SACS: variants seen among roughly 807,000 people sequenced by gnomAD.
SACS encodes sacsin molecular chaperone.
SACS carries 197 observed loss-of-function variants against 348.0 expected under a neutral mutation model. The observed-to-expected ratio is 0.57, with a 90% CI of 0.50 to 0.64. The LOEUF (loss-of-function observed/expected upper bound fraction) is 0.64. SACS is among the 30% of genes least tolerant of loss of function. The pLI, the probability that SACS is intolerant of heterozygous loss-of-function variation, is 0.00. For synonymous variants in SACS, 1,985 were observed against 1,910.6 expected (o/e 1.04, Z -1.02); for missense variants, 4,999 against 5,360.8 (o/e 0.93, Z 2.11).
At chr13:23,428,628 A>G (rs914366793) in intron 1 of SACS, 3 of 152,210 alleles carry the variant, frequency 2.0e-5, no homozygotes, top group Admixed American at 2.0e-4. Flanking sequence ...GGAGAGTGCT[A>G]CTGATCTTTT....
chr13:23,404,651 C>T (rs1303980002), intron 2 of SACS, among the ~76,000 whole-genome samples: 1 of 152,160 alleles, frequency 6.6e-6, no homozygotes, highest in Non-Finnish European at 1.5e-5. Flanking sequence ...TTGCAGATGA[C>T]ATGATTGCAT....
At chr13:23,399,018 T>TAAAAAAAAAA (rs1412543149) in intron 2 of SACS, among the ~76,000 whole-genome samples, 2 of 18,952 alleles carry the variant, frequency 1.1e-4, no homozygotes, top group Non-Finnish European at 3.5e-4. Flanking sequence ...AGACTCCATC[T>TAAAAAAAAAA]CAAAAAAAAA....
rs372111448 is a variant in SACS, at chr13:23,338,540, G to A, written c.5336C>T (p.Ser1779Leu). 1.2e-5 allele frequency: 19 copies of A among 1,614,014 alleles called. No individual in the cohort carries two copies. Among genetic ancestry groups the A allele is most frequent in the Admixed American group, 1.0e-4 (6 of 59,992 alleles). Reference sequence around the variant, plus strand: ...ATCATCTGGACCTCTAAAAAGTGGCGACTGTAAATCAGCAATCCTTCTGAA... The same window carrying A: ...ATCATCTGGACCTCTAAAAAGTGGCAACTGTAAATCAGCAATCCTTCTGAA... ...HVFRRIADLQ[S>L]PLFRGPDDDP... Residue 1779 changes from serine to leucine, a missense_variant, in exon 10 of 10, where the codon TCG (serine) becomes TTG (leucine). By Grantham distance (145) the Ser-to-Leu change is moderately radical. Coordinates refer to ENST00000382292, the MANE Select transcript of SACS (RefSeq NM_014363.6).
chr13:23,429,344 G>GGTTTTT (rs1566116540), intron 1 of SACS, among the ~76,000 whole-genome samples: 3 of 65,384 alleles, frequency 4.6e-5, no homozygotes, highest in Non-Finnish European at 1.3e-4. Context: ...TTGAGGTAGG[G>GGTTTTT]ATTTTTTTTT....
intron 9 of SACS, among the ~76,000 whole-genome samples, chr13:23,343,072 T>TG (rs1392861034): frequency 6.6e-6 from 1 of 152,150 alleles, no homozygotes; most frequent in Non-Finnish European, 1.5e-5. Flanking sequence ...AGGGAGCACG[T>TG]GGGGCAGTGC....
chr13:23,385,883 C>T (rs1277238677), intron 2 of SACS, among the ~76,000 whole-genome samples: 1 of 152,214 alleles, frequency 6.6e-6, no homozygotes, highest in African/African-American at 2.4e-5. Flanking sequence ...TCGCCTTGTA[C>T]TTCTCCATCA....
rs1410575767 is a variant in SACS, at chr13:23,333,911, T to C, written c.9965A>G (p.His3322Arg). 7 of 1,613,704 alleles carry C rather than the reference T, an allele frequency of 4.3e-6. No homozygotes were observed. The highest frequency in any genetic ancestry group is 1.3e-5 in the African/African-American group (1 of 74,900). Reference protein sequence around the residue: ...FPNAQSDKVFHALMKAGCIQL... With the variant: ...FPNAQSDKVFRALMKAGCIQL... ...AATACAGCCAGCTTTCATTAGAGCA[T>C]GAAAAACTTTATCACTCTGGGCATT... The change falls in exon 10 of 10, where the codon CAT (histidine) becomes CGT (arginine). Residue 3322 changes from histidine (H) to arginine (R), a missense_variant. His to Arg is a conservative substitution (Grantham distance 29). This residue lies in a region of SACS where 734 missense variants were observed against 694.0 expected (regional missense o/e 1.06). Transcript: ENST00000382292.
At chr13:23,381,434 G>A (rs985369645) in intron 2 of SACS, among the ~76,000 whole-genome samples, 7 of 150,262 alleles carry the variant, frequency 4.7e-5, no homozygotes, top group African/African-American at 1.2e-4. Flanking sequence ...CATGAAGCGC[G>A]CGCACACACA....
intron 2 of SACS, chr13:23,375,590 G>A (rs1291186646): frequency 9.8e-7 from 1 of 1,016,106 alleles, no homozygotes; most frequent in East Asian, 9.1e-5. Flanking sequence ...GGCCCTGCAG[G>A]CGCCGCCCGC....
In SACS at chr13:23,335,277, C is replaced by G. The variant is rs766868003; in HGVS notation, c.8599G>C (p.Ala2867Pro). The G allele has an allele frequency of 4.3e-6, 7 of 1,613,850 alleles. No homozygotes were observed. Among genetic ancestry groups the G allele is most frequent in the Non-Finnish European group, 5.9e-6 (7 of 1,179,844 alleles). ...AAAGAAAGAGGCAAAAAACAGAAGG[C>G]CCTATGGGGTTTTTTATAGTTGTGA... ...ITHNYKKPHR[A>P]FCFLPLSLET... Residue 2867 changes from alanine (A) to proline (P), a missense_variant, in exon 10 of 10, where the codon GCC (alanine) becomes CCC (proline). Coordinates refer to ENST00000382292, the MANE Select transcript of SACS (RefSeq NM_014363.6). This position sits in a 1 kb window ranked among gnomAD's most constrained non-coding sequence, Gnocchi z 4.7.
chr13:23,390,172 C>A lies in SACS; in HGVS notation c.21-14903G>T, dbSNP rs144242481. Among the ~76,000 whole-genome samples, 69 of 152,208 alleles carry A rather than the reference C, an allele frequency of 4.5e-4. No individual in the cohort carries two copies. The East Asian group carries it at 0.012, about 26-fold the overall frequency. On this transcript the variant is annotated intron_variant, in intron 2 of 9. Transcript: ENST00000382292. ...TGTTTGGCTCTGAAAAGAATTAGTG[C>A]TTTATTTCTGCAGTATTTTTCTTCT...
At chr13:23,347,630 A>T (rs1869691914) in intron 9 of SACS, among the ~76,000 whole-genome samples, 1 of 152,232 alleles carries the variant, frequency 6.6e-6, no homozygotes, top group Non-Finnish European at 1.5e-5. Flanking sequence ...ACATGGTCCC[A>T]GACCTGGCCC....
At chr13:23,428,429 A>G (rs932992808) in intron 1 of SACS, 20 of 152,364 alleles carry the variant, frequency 1.3e-4, no homozygotes, top group Middle Eastern at 3.4e-3. Context: ...AATTCACGCT[A>G]TAAATCAATA....
At position 23,330,595 on chromosome 13, in the gene SACS, A is replaced by T. The variant is rs1360709632; in HGVS notation, c.13281T>A (p.Thr4427=). 1.9e-6 allele frequency: 3 copies of T among 1,613,998 alleles called. No homozygotes were observed. The Admixed American group carries it at 5.0e-5, about 27-fold the overall frequency. Residue 4427 remains threonine, a synonymous_variant, in exon 10 of 10, where the codon ACT becomes ACA. Coordinates refer to ENST00000382292, the MANE Select transcript of SACS (RefSeq NM_014363.6). ...GAGGAACAAAGAACCTTTGAGAGTA[A>T]GTCTGTCCGGCTGAAGGGGGGCATT... ...KEKCPPSAGQ[T]YSQRFFVPPT...
At chr13:23,402,541 C>T (rs927385690) in intron 2 of SACS, among the ~76,000 whole-genome samples, 1 of 152,120 alleles carries the variant, frequency 6.6e-6, no homozygotes, top group Non-Finnish European at 1.5e-5. Flanking sequence ...AATCTGTTCC[C>T]CTTGTAACAA....
rs563204231 is a variant in SACS, at chr13:23,405,620, G to A, written c.20+5600C>T. Reference sequence around the variant, plus strand: ...ACTATCATCAGAGTGAACAGAATGGGAGAAAATTTTTGCAATCTATCCATC... The same window carrying A: ...ACTATCATCAGAGTGAACAGAATGGAAGAAAATTTTTGCAATCTATCCATC... On this transcript the variant is annotated intron_variant, in intron 2 of 9. Coordinates refer to ENST00000382292, the MANE Select transcript of SACS (RefSeq NM_014363.6). 7.2e-5 allele frequency among the ~76,000 whole-genome samples: 11 copies of A among 151,834 alleles called. No homozygotes were observed. In the East Asian group the frequency reaches 2.1e-3, roughly 29 times the overall value.
Position 23,330,477 on chromosome 13 carries a change from T to C in SACS, c.13399A>G (p.Lys4467Glu). 1 of 1,614,210 alleles carries C rather than the reference T, an allele frequency of 6.2e-7. No individual in the cohort carries two copies. The highest frequency in any genetic ancestry group is 8.5e-7 in the Non-Finnish European group (1 of 1,180,026). ...AAGCACACCCACTCATTGGCATTTT[T>C]ATGAAGGTCATTCCTGGCAGCTGAG... ...NFSAARNDLH[K>E]NANEWVCFKC... The change falls in exon 10 of 10, where the codon AAA becomes GAA. Residue 4467 changes from lysine to glutamate, a missense_variant. By Grantham distance (56) the Lys-to-Glu change is moderately conservative. Coordinates refer to ENST00000382292, the MANE Select transcript of SACS (RefSeq NM_014363.6).
In SACS at chr13:23,332,299, G is replaced by A. The variant is rs961266347; in HGVS notation, c.11577C>T (p.Arg3859=). ...STKQYVEVLS[R]IFKNSEGKQL... Reference sequence around the variant, plus strand: ...GTTTGCCCTCAGAATTTTTAAATATGCGGCTCAACACTTCAACATATTGCT... The same window carrying A: ...GTTTGCCCTCAGAATTTTTAAATATACGGCTCAACACTTCAACATATTGCT... The change falls in exon 10 of 10, where the codon CGC becomes CGT. Residue 3859 remains arginine, a synonymous_variant. Coordinates refer to ENST00000382292, the MANE Select transcript of SACS (RefSeq NM_014363.6). The A allele has an allele frequency of 6.2e-7, 1 of 1,613,954 alleles. No individual in the cohort carries two copies. Among genetic ancestry groups the A allele is most frequent in the Non-Finnish European group, 8.5e-7 (1 of 1,179,918 alleles).
chr13:23,390,970 C>T (rs1872508506), intron 2 of SACS, among the ~76,000 whole-genome samples: 1 of 152,200 alleles, frequency 6.6e-6, no homozygotes, highest in Non-Finnish European at 1.5e-5. Flanking sequence ...AGGTGACCAC[C>T]ATGCTGTCTG....
Sources: gnomAD v4.1 joint callset for allele counts (sites outside exome capture counted in the v4.1 genomes callset) on GRCh38, gnomAD v4.1.1 for gene constraint, gnomAD v4.1.1 regional missense constraint, Gnocchi (gnomAD v3.1) non-coding constraint, MANE v1.5 for transcripts, NCBI Gene and HGNC (gene_info 2026-07-23, HGNC 2026-07-21) for gene names.